Variants in NOL9 observed in about 807,000 individuals in gnomAD.
NOL9 encodes the protein nucleolar protein 9.
A neutral mutation model predicts 67.9 loss-of-function variants in NOL9; 28 were observed. That is an observed-to-expected ratio of 0.41 (90% CI 0.31 to 0.57). The LOEUF is 0.57. Among genes scored for constraint, NOL9 ranks in the 20% least tolerant of loss-of-function variants. NOL9 has a pLI of 0.25. For missense variants in NOL9, 777 were observed against 897.0 expected (o/e 0.87, Z 1.71); for synonymous variants, 356 against 352.2 (o/e 1.01, Z -0.12).
rs1282812399 is a variant in NOL9, at chr1:6,525,708, A to C, written c.*146T>G. 1 of 810,358 alleles carries C rather than the reference A, an allele frequency of 1.2e-6. No individual in the cohort carries two copies. The highest frequency in any genetic ancestry group is 2.0e-6 in the Non-Finnish European group (1 of 494,704). 50.2% of individuals were successfully genotyped at this position (810,358 alleles called of 1,614,324 possible). On this transcript the variant is annotated 3_prime_UTR_variant, in exon 12 of 12. Transcript: ENST00000377705. Reference sequence around the variant, plus strand: ...TTTAAAAGAGAAACTTAAGACTACTATATGACATTCACGAATTACACAAAA... The same window carrying C: ...TTTAAAAGAGAAACTTAAGACTACTCTATGACATTCACGAATTACACAAAA...
chr1:6,544,721 T>C (rs955303270), intron 5 of NOL9, 105 bp downstream of exon 5: 17 of 1,165,308 alleles, frequency 1.5e-5, no homozygotes, highest in Non-Finnish European at 1.9e-5. Context: ...TAGACCTGTA[T>C]GTAATCTCTA....
chr1:6,525,556 C>A lies in NOL9; in HGVS notation c.*298G>T, dbSNP rs1638865032. ...TTTATCCTGATTCTAATAACCAGGT[C>A]CCTGAAGAACTTTCTGAGGAATCTC... On this transcript the variant is annotated 3_prime_UTR_variant, in exon 12 of 12. Transcript: ENST00000377705. The A allele has an allele frequency of 3.0e-6, 1 of 337,032 alleles. No homozygotes were observed. 20.9% of individuals were successfully genotyped at this position (337,032 alleles called of 1,614,324 possible). A position where few individuals can be genotyped will look rare whatever the true frequency, so the allele number is the denominator to read the frequency against.
At chr1:6,550,020 A>T (rs993790206) in intron 2 of NOL9, among the ~76,000 whole-genome samples, 2 of 141,394 alleles carry the variant, frequency 1.4e-5, no homozygotes, top group African/African-American at 5.1e-5. Flanking sequence ...CCTAGACCAT[A>T]GTAAGCATCT....
Position 6,554,385 on chromosome 1 carries a change from G to A in NOL9, c.118C>T (p.Leu40=). 6.7e-7 allele frequency: 1 copy of A among 1,486,658 alleles called. No homozygotes were observed. The highest frequency in any genetic ancestry group is 8.8e-7 in the Non-Finnish European group (1 of 1,130,394). The allele number at this position is 1,486,658 out of a possible 1,614,324, so 92.1% of individuals were successfully genotyped here. A position where few individuals can be genotyped will look rare whatever the true frequency, so the allele number is the denominator to read the frequency against. Residue 40 remains leucine, a synonymous_variant, in exon 1 of 12, where the codon CTG becomes TTG. Coordinates refer to ENST00000377705, the MANE Select transcript of NOL9 (RefSeq NM_024654.5). The part of the protein sequence containing the change: ...SRRPRRRLGS[L]RWCGRRRLRW... ...AGGCGCCGCCGACCGCACCAGCGCA[G>A]GCTCCCGAGCCGGCGGCGGGGCCGG...
intron 6 of NOL9, among the ~76,000 whole-genome samples, chr1:6,541,479 G>A (rs1309279195): frequency 6.6e-6 from 1 of 152,188 alleles, no homozygotes; most frequent in African/African-American, 2.4e-5. Flanking sequence ...ACCACAGGCA[G>A]CCTGATTAAC....
In NOL9 at chr1:6,532,032, A is replaced by AG; in HGVS notation, c.1582dup (p.Leu528ProfsTer2). 1 of 1,614,206 alleles carries AG rather than the reference A, an allele frequency of 6.2e-7. No homozygotes were observed. Among genetic ancestry groups the AG allele is most frequent in the South Asian group, 1.1e-5 (1 of 91,084 alleles). On this transcript the variant is annotated frameshift_variant, in exon 9 of 12. Transcript: ENST00000377705. LOFTEE classifies it high-confidence loss of function. ...GGGCATCGGGGGCTGCAGCTGGCTA[A>AG]GGTAACTCAAGATGGACAGATCTCG...
intron 1 of NOL9, among the ~76,000 whole-genome samples, chr1:6,552,843 ACT>A (rs1408794258): frequency 6.7e-6 from 1 of 148,932 alleles, no homozygotes; most frequent in Non-Finnish European, 1.5e-5. Context: ...ACGGAGTCTC[ACT>A]CTGTCGCCCA....
rs1413508897 is a variant in NOL9, at chr1:6,554,424, G to A, written c.79C>T (p.Leu27Phe). 1.6e-5 allele frequency: 25 copies of A among 1,540,960 alleles called. No homozygotes were observed. Among genetic ancestry groups the A allele is most frequent in the Non-Finnish European group, 2.2e-5 (25 of 1,156,316 alleles). Residue 27 changes from leucine to phenylalanine, a missense_variant, in exon 1 of 12, where the codon CTC (leucine) becomes TTC (phenylalanine). By Grantham distance (22) the Leu-to-Phe change is conservative (BLOSUM62 0). Transcript: ENST00000377705. ...CGGCGGGGCCGGCGGCTGAGGATGA[G>A]CTGGGGCCGGGCCTTGCGGACCCGC... is the stretch of plus-strand genomic sequence containing the variant. ...WLRVRKARPQ[L>F]ILSRRPRRRL...
At chr1:6,550,200 T>G (rs549040731) in intron 2 of NOL9, among the ~76,000 whole-genome samples, 196 bp downstream of exon 2, 1 of 152,080 alleles carries the variant, frequency 6.6e-6, no homozygotes, top group East Asian at 1.9e-4. Flanking sequence ...CTTGGCTAAT[T>G]TTTTGCATTT....
At position 6,541,940 on chromosome 1, in the gene NOL9, A is replaced by C; in HGVS notation, c.978-13T>G. ...AACGCAGGGAAGACTGCAAATTTTT[A>C]AAAAAGAAAAAAGAAAGAAAATCCT... On this transcript the variant is annotated splice_polypyrimidine_tract_variant and intron_variant, in intron 5 of 11. Transcript: ENST00000377705. The C allele has an allele frequency of 6.7e-7, 1 of 1,499,376 alleles. No individual in the cohort carries two copies. Among genetic ancestry groups the C allele is most frequent in the Non-Finnish European group, 9.1e-7 (1 of 1,098,708 alleles). 92.9% of individuals were successfully genotyped at this position (1,499,376 alleles called of 1,614,324 possible).
Position 6,533,528 on chromosome 1 carries a change from C to T in NOL9, c.1076-87G>A, listed in dbSNP as rs1051332728. The T allele has an allele frequency of 2.9e-5, 29 of 983,470 alleles. No homozygotes were observed. In the South Asian group the frequency reaches 3.2e-4, roughly 11 times the overall value. 60.9% of individuals were successfully genotyped at this position (983,470 alleles called of 1,614,324 possible). A position where few individuals can be genotyped will look rare whatever the true frequency, so the allele number is the denominator to read the frequency against. ...AAGGTGGTGAGGGTTTTGTTTCAGC[C>T]GTTATCACTGACAAAGAACCTTAGG... is the stretch of plus-strand genomic sequence containing the variant. On this transcript the variant is annotated intron_variant, in intron 6 of 11. Coordinates refer to ENST00000377705, the MANE Select transcript of NOL9 (RefSeq NM_024654.5).
At chr1:6,526,662 C>A in intron 11 of NOL9, 34 bp downstream of exon 11, 1 of 1,582,146 alleles carries the variant, frequency 6.3e-7, no homozygotes, top group Non-Finnish European at 8.6e-7. Flanking sequence ...CCTGAGTAGG[C>A]TCCTTCCAGG....
chr1:6,532,389 T>C (rs1639048896), intron 8 of NOL9, 74 bp downstream of exon 8: 5 of 1,411,036 alleles, frequency 3.5e-6, no homozygotes, highest in Non-Finnish European at 4.9e-6. Flanking sequence ...CTCAGGCCTT[T>C]AGAGGAATTG....
At position 6,550,444 on chromosome 1, in the gene NOL9, CCTT is replaced by C. The variant is rs767795068; in HGVS notation, c.565_567del (p.Lys189del). 6.2e-7 allele frequency: 1 copy of C among 1,614,134 alleles called. No individual in the cohort carries two copies. Among genetic ancestry groups the C allele is most frequent in the Non-Finnish European group, 8.5e-7 (1 of 1,180,030 alleles). On this transcript the variant is annotated inframe_deletion, in exon 2 of 12. Transcript: ENST00000377705. ...AAATTCCGGGCTTCCCTTTTCAGTT[CCTT>C]CTTGCTTTTCTCAGGCTGTGAGTAG... is the stretch of plus-strand genomic sequence containing the variant.
chr1:6,529,294 C>T (rs1638966025), intron 9 of NOL9, 123 bp from the exon 10 acceptor site: 3 of 882,596 alleles, frequency 3.4e-6, no homozygotes, highest in Admixed American at 2.6e-5. Flanking sequence ...AAAAGTATCT[C>T]TAAAGAATAA....
intron 3 of NOL9, chr1:6,547,816 C>G (rs1430379616): frequency 1.3e-5 from 2 of 155,056 alleles, no homozygotes; most frequent in Admixed American, 6.5e-5. Context: ...GCTCCTGCCA[C>G]TGCACTACAG....
chr1:6,550,424 C>T lies in NOL9; in HGVS notation c.588G>A (p.Arg196=), dbSNP rs200489481. 1.5e-5 allele frequency: 24 copies of T among 1,614,124 alleles called. No individual in the cohort carries two copies. Among genetic ancestry groups the T allele is most frequent in the Non-Finnish European group, 1.6e-5 (19 of 1,180,014 alleles). Residue 196 remains arginine (R), a synonymous_variant, in exon 2 of 12, where the codon CGG becomes CGA. Coordinates refer to ENST00000377705, the MANE Select transcript of NOL9 (RefSeq NM_024654.5). The part of the protein sequence containing the change: ...KSKKELKREA[R]NLLKSHLNLD... Reference sequence around the variant, plus strand: ...GGTTAAGATGAGATTTGAGCAAATTCCGGGCTTCCCTTTTCAGTTCCTTCT... The same window carrying T: ...GGTTAAGATGAGATTTGAGCAAATTTCGGGCTTCCCTTTTCAGTTCCTTCT...
At chr1:6,538,427 C>T (rs980237391) in intron 6 of NOL9, among the ~76,000 whole-genome samples, 2 of 152,178 alleles carry the variant, frequency 1.3e-5, no homozygotes, top group Admixed American at 6.6e-5. Context: ...AATCCAGGCA[C>T]TTTAGGAGGC....
At chr1:6,529,212 T>C in intron 9 of NOL9, 41 bp from the exon 10 acceptor site, 1 of 1,552,998 alleles carries the variant, frequency 6.4e-7, no homozygotes, top group East Asian at 2.3e-5. Context: ...CATGGCTACT[T>C]TGAAAGACCA....
Sources: allele counts gnomAD v4.1 joint callset (sites outside exome capture counted in the v4.1 genomes callset), GRCh38; gene constraint gnomAD v4.1.1; transcripts MANE v1.5; gene names NCBI Gene and HGNC (gene_info 2026-07-23, HGNC 2026-07-21).